Variants in GRIK1 observed in about 807,000 individuals in gnomAD.
The protein encoded by GRIK1 is glutamate ionotropic receptor kainate type subunit 1, also known as glutamate receptor ionotropic, kainate 1.
GRIK1 carries 69 observed loss-of-function variants against 105.7 expected under a neutral mutation model. That is an observed-to-expected ratio of 0.65 (90% CI 0.54 to 0.80). The LOEUF is 0.80. Ranked by LOEUF, GRIK1 falls within the 30% of genes least tolerant of loss-of-function variation. The pLI is 0.00. For synonymous variants in GRIK1, 438 were observed against 431.3 expected (o/e 1.02, Z -0.19); for missense variants, 1,109 against 1,167.3 (o/e 0.95, Z 0.73).
chr21:29,925,572 A>C (rs1467602157), intron 1 of GRIK1, among the ~76,000 whole-genome samples: 1 of 152,238 alleles, frequency 6.6e-6, no homozygotes, highest in African/African-American at 2.4e-5. Flanking sequence ...AAAAGCTCAA[A>C]TGTTACTTTG....
chr21:29,626,055 A>T (rs1405499598), intron 7 of GRIK1, among the ~76,000 whole-genome samples: 1 of 152,202 alleles, frequency 6.6e-6, no homozygotes, highest in Non-Finnish European at 1.5e-5. Context: ...CCAATATCTT[A>T]GTCCATTTGT....
chr21:29,650,382 G>A (rs1480078314), intron 6 of GRIK1, among the ~76,000 whole-genome samples: 1 of 152,168 alleles, frequency 6.6e-6, no homozygotes, highest in Non-Finnish European at 1.5e-5. Context: ...TTTCCCCTTA[G>A]ATGGCTCCCA....
At chr21:29,930,693 T>C (rs1049415384) in intron 1 of GRIK1, among the ~76,000 whole-genome samples, 3 of 152,186 alleles carry the variant, frequency 2.0e-5, no homozygotes, top group African/African-American at 7.2e-5. Context: ...AAGATGCTAA[T>C]GGATAGGAAC....
Position 29,629,864 on chromosome 21 carries a change from A to C in GRIK1, c.1098+12962T>G, listed in dbSNP as rs137956193. Among the ~76,000 whole-genome samples the C allele has an allele frequency of 6.0e-4, 92 of 152,268 alleles. 2 individuals are homozygous for C. The highest frequency in any genetic ancestry group is 2.1e-3 in the African/African-American group (89 of 41,554). On this transcript the variant is annotated intron_variant, in intron 7 of 17. Coordinates refer to ENST00000327783, the MANE Select transcript of GRIK1 (RefSeq NM_001330994.2). ...TGAATTGTGGCCCAGTGAAATAATAAATTGCCGAGGGGAATGGAAGAGATG... is the reference window on the plus strand; with the variant it reads ...TGAATTGTGGCCCAGTGAAATAATACATTGCCGAGGGGAATGGAAGAGATG...
At chr21:29,923,119 G>A (rs1345719350) in intron 1 of GRIK1, among the ~76,000 whole-genome samples, 1 of 152,130 alleles carries the variant, frequency 6.6e-6, no homozygotes, top group African/African-American at 2.4e-5. Context: ...GACTGAGTAT[G>A]AATTATGCTG....
chr21:29,700,054 A>G (rs192796393), intron 1 of GRIK1, among the ~76,000 whole-genome samples: 14 of 152,306 alleles, frequency 9.2e-5, no homozygotes, highest in Non-Finnish European at 5.9e-5. Context: ...CTGACTTTAC[A>G]GCGCAGTAAT....
At chr21:29,683,001 A>T (rs2063411332) in intron 3 of GRIK1, among the ~76,000 whole-genome samples, 1 of 152,270 alleles carries the variant, frequency 6.6e-6, no homozygotes, top group Non-Finnish European at 1.5e-5. Context: ...TCAAAAGAAG[A>T]CACGCAAGTG....
intron 1 of GRIK1, among the ~76,000 whole-genome samples, chr21:29,780,674 T>A (rs777281062): frequency 5.9e-5 from 9 of 152,212 alleles, no homozygotes; most frequent in Non-Finnish European, 1.2e-4. Context: ...CATCATTTTA[T>A]CACTTGATTT....
At chr21:29,842,973 C>T (rs1319843807) in intron 1 of GRIK1, among the ~76,000 whole-genome samples, 1 of 152,062 alleles carries the variant, frequency 6.6e-6, no homozygotes, top group Admixed American at 6.6e-5. Context: ...AGTATGTTTC[C>T]TATTATATAT....
intron 1 of GRIK1, among the ~76,000 whole-genome samples, chr21:29,902,155 T>A (rs2070434697): frequency 6.6e-6 from 1 of 152,232 alleles, no homozygotes; most frequent in African/African-American, 2.4e-5. Flanking sequence ...CTCAAAATAC[T>A]GAGAGCTATT....
rs901835140 is a variant in GRIK1 at position 29,876,120 on chromosome 21, G to A, written c.118+63263C>T. On this transcript the variant is annotated intron_variant, in intron 1 of 17. Coordinates refer to ENST00000327783, the MANE Select transcript of GRIK1 (RefSeq NM_001330994.2). ...AAGGGGAGGAGATAGATATGTGTGT[G>A]TGTGTGTGTGTGTGTGTGTGTGTCT... Among the ~76,000 whole-genome samples, 8 of 151,888 alleles carry A rather than the reference G, an allele frequency of 5.3e-5. No homozygotes were observed. In the South Asian group the frequency reaches 1.0e-3, roughly 20 times the overall value.
intron 1 of GRIK1, among the ~76,000 whole-genome samples, chr21:29,802,542 T>A (rs1444154711): frequency 6.6e-6 from 1 of 152,182 alleles, no homozygotes; most frequent in African/African-American, 2.4e-5. Context: ...TGTCTGGATC[T>A]CATCATCCTC....
At chr21:29,565,424 G>A (rs2090589659) in intron 14 of GRIK1, among the ~76,000 whole-genome samples, 1 of 152,126 alleles carries the variant, frequency 6.6e-6, no homozygotes, top group Admixed American at 6.5e-5. Flanking sequence ...CCTTAAAGGT[G>A]TAGTGAGCTT....
rs780620598 is a variant in GRIK1 at position 29,692,481 on chromosome 21, C to T, written c.286+1415G>A. Reference sequence around the variant, plus strand: ...ATTATTTGTCCATAGACAATTTTGACCCATATGATATCTCAAAGTCTACCC... The same window carrying T: ...ATTATTTGTCCATAGACAATTTTGATCCATATGATATCTCAAAGTCTACCC... On this transcript the variant is annotated intron_variant, in intron 2 of 17. Transcript: ENST00000327783. Among the ~76,000 whole-genome samples the T allele has an allele frequency of 7.9e-5, 12 of 152,232 alleles. No individual in the cohort carries two copies. The Middle Eastern group carries it at 0.014, about 173-fold the overall frequency.
rs2090210652 is a variant in GRIK1, at chr21:29,554,941, T to C, written c.2607+111A>G. The C allele has an allele frequency of 2.3e-5, 20 of 885,054 alleles. No homozygotes were observed. The South Asian group carries it at 3.2e-4, about 14-fold the overall frequency. 54.8% of individuals were successfully genotyped at this position (885,054 alleles called of 1,614,324 possible). On this transcript the variant is annotated intron_variant, in intron 16 of 17. Transcript: ENST00000327783. ...TGCTCTAACTCAAAAATGGCTCTTC[T>C]GGGCATCTAATTCAATAGACTGAAA...
chr21:29,773,655 C>T (rs1242698808), intron 1 of GRIK1, among the ~76,000 whole-genome samples: 1 of 152,100 alleles, frequency 6.6e-6, no homozygotes, highest in African/African-American at 2.4e-5. Context: ...ACCTCTCGTA[C>T]ACCATAGCTC....
At chr21:29,730,296 T>G (rs918734888) in intron 1 of GRIK1, among the ~76,000 whole-genome samples, 3 of 152,236 alleles carry the variant, frequency 2.0e-5, no homozygotes, top group African/African-American at 4.8e-5. Context: ...TTTTATCTGT[T>G]GAATTCCCTT....
intron 3 of GRIK1, among the ~76,000 whole-genome samples, chr21:29,679,252 C>T (rs1009908812): frequency 2.6e-5 from 4 of 152,266 alleles, no homozygotes; most frequent in South Asian, 4.1e-4. Context: ...CAGTAAAGCT[C>T]GGAGACTATA....
At chr21:29,706,871 AT>A (rs921105720) in intron 1 of GRIK1, among the ~76,000 whole-genome samples, 61 of 148,252 alleles carry the variant, frequency 4.1e-4, no homozygotes, top group African/African-American at 5.4e-4. Flanking sequence ...TATTCAAGGC[AT>A]TTTTTTTTTT....
Sources: allele counts gnomAD v4.1 joint callset (sites outside exome capture counted in the v4.1 genomes callset), GRCh38; gene constraint gnomAD v4.1.1; transcripts MANE v1.5; gene names NCBI Gene and HGNC (gene_info 2026-07-23, HGNC 2026-07-21).